MICAL1: variants seen among roughly 807,000 people sequenced by gnomAD.
MICAL1 encodes microtubule associated monooxygenase, calponin and LIM domain containing 1.
A neutral mutation model predicts 131.8 loss-of-function variants in MICAL1; 95 were observed. That is an observed-to-expected ratio of 0.72 (90% CI 0.61 to 0.86). The LOEUF is 0.86. Ranked by LOEUF, MICAL1 falls within the 40% of genes least tolerant of loss-of-function variation. The pLI is 0.00. For synonymous variants in MICAL1, 546 were observed against 554.2 expected (o/e 0.99, Z 0.21); for missense variants, 1,292 against 1,380.6 (o/e 0.94, Z 1.02).
chr6:109,444,342 A>G lies in MICAL1; in HGVS notation c.3056-3T>C, dbSNP rs1222959969. 7 of 1,613,374 alleles carry G rather than the reference A, an allele frequency of 4.3e-6. No individual in the cohort carries two copies. Among genetic ancestry groups the G allele is most frequent in the Non-Finnish European group, 5.9e-6 (7 of 1,180,018 alleles). ...ATCAGCAGCTGTCTTTAGGTTTTCT[A>G]AAAGGAGGAGACAAAGCTTAGAGAA... On this transcript the variant is annotated splice_region_variant and splice_polypyrimidine_tract_variant and intron_variant, in intron 24 of 24. Coordinates refer to ENST00000358807, the MANE Select transcript of MICAL1 (RefSeq NM_022765.4).
upstream of MICAL1, among the ~76,000 whole-genome samples, chr6:109,460,425 T>TAA (rs941046868): frequency 0.025 from 2,229 of 88,300 alleles, 67 homozygotes; most frequent in African/African-American, 0.08. Flanking sequence ...AGACCCTACG[T>TAA]AAAAAAAAAA....
intron 1 of MICAL1, among the ~76,000 whole-genome samples, chr6:109,461,578 TAAAAAA>T (rs1775889269): frequency 1.3e-5 from 2 of 151,900 alleles, no homozygotes; most frequent in African/African-American, 4.8e-5. Flanking sequence ...TGTCTCCACT[TAAAAAA>T]AGAAAAAAGT....
Position 109,452,507 on chromosome 6 carries a change from T to A in MICAL1, c.676+4A>T. ...TGGCTTCTTTGAGGGAAGTGATCACTCACCTTCAGGGACGAATTTACCTCC... is the reference window on the plus strand; with the variant it reads ...TGGCTTCTTTGAGGGAAGTGATCACACACCTTCAGGGACGAATTTACCTCC... On this transcript the variant is annotated splice_donor_region_variant and intron_variant, in intron 5 of 24. Coordinates refer to ENST00000358807, the MANE Select transcript of MICAL1 (RefSeq NM_022765.4). The A allele has an allele frequency of 6.2e-7, 1 of 1,613,726 alleles. No individual in the cohort carries two copies. The highest frequency in any genetic ancestry group is 2.2e-5 in the East Asian group (1 of 44,862).
chr6:109,462,891 G>A (rs1376992959), intron 1 of MICAL1: 2 of 152,192 alleles, frequency 1.3e-5, no homozygotes, highest in African/African-American at 4.8e-5. Context: ...ACATTTAGTA[G>A]AAAATGAATT....
chr6:109,448,121 C>T (rs899277699), intron 13 of MICAL1, 82 bp downstream of exon 13: 1 of 1,269,358 alleles, frequency 7.9e-7, no homozygotes, highest in Non-Finnish European at 1.0e-6. Context: ...CACACACCGC[C>T]TTCTCCCTCT....
At position 109,453,255 on chromosome 6, in the gene MICAL1, ATACT is replaced by A. The variant is rs768158233; in HGVS notation, c.571+4_571+7del. ...GGGGGAGATTCCAGGGAGCATAGAA[ATACT>A]TACCCTTCCTAGGAGGGGGCTGGAG... On this transcript the variant is annotated splice_donor_5th_base_variant and intron_variant, in intron 4 of 24. Transcript: ENST00000358807. The A allele has an allele frequency of 1.7e-5, 27 of 1,610,902 alleles. No individual in the cohort carries two copies. The highest frequency in any genetic ancestry group is 4.4e-5 in the South Asian group (4 of 91,024).
intron 11 of MICAL1, chr6:109,449,174 G>A (rs890786176): frequency 1.3e-5 from 9 of 681,876 alleles, no homozygotes; most frequent in East Asian, 2.7e-5. Context: ...TGGCTGTAAC[G>A]GTGGTTCAAA....
At chr6:109,448,521 G>A (rs895428606) in intron 12 of MICAL1, 128 bp from the exon 13 acceptor site, 1 of 1,289,036 alleles carries the variant, frequency 7.8e-7, no homozygotes, top group Non-Finnish European at 1.1e-6. Flanking sequence ...AGGTAGGTGT[G>A]TAGTCTCTGC....
At position 109,445,524 on chromosome 6, in the gene MICAL1, C is replaced by T; in HGVS notation, c.2679G>A (p.Leu893=). Residue 893 remains leucine (L), a synonymous_variant, in exon 21 of 25, where the codon CTG becomes CTA. Coordinates refer to ENST00000358807, the MANE Select transcript of MICAL1 (RefSeq NM_022765.4). ...VPLDSDVEQA[L]QTFAKTSGTM... is the part of the protein sequence containing the mutation. ...TGCCTGAGGTCTTGGCAAAGGTCTG[C>T]AGGGCCTATAGGAGGGTCAGGCCAG... 6.2e-7 allele frequency: 1 copy of T among 1,614,102 alleles called. No homozygotes were observed.
In MICAL1 at chr6:109,451,914, A is replaced by AG. The variant is rs78021152; in HGVS notation, c.833-215dup. Reference sequence around the variant, plus strand: ...ACTTAGAGCAAAGAGGGAAGCTTGGAGGGGGGTGGCATTTGGGAGACCTGC... The same window carrying AG: ...ACTTAGAGCAAAGAGGGAAGCTTGGAGGGGGGGTGGCATTTGGGAGACCTGC... On this transcript the variant is annotated intron_variant, in intron 6 of 24. Coordinates refer to ENST00000358807, the MANE Select transcript of MICAL1 (RefSeq NM_022765.4). 2,037 of 1,389,340 alleles carry AG rather than the reference A, an allele frequency of 1.5e-3. 63 individuals are homozygous for AG. The East Asian group carries it at 0.047, about 32-fold the overall frequency. The allele number at this position is 1,389,340 out of a possible 1,614,324, so 86.1% of individuals were successfully genotyped here.
At chr6:109,457,360 C>A (rs560678982), upstream of MICAL1, among the ~76,000 whole-genome samples, 1 of 151,872 alleles carries the variant, frequency 6.6e-6, no homozygotes, top group Non-Finnish European at 1.5e-5. Context: ...TAAAAACGTT[C>A]TAAAGTCCAC....
intron 8 of MICAL1, 47 bp downstream of exon 8, chr6:109,450,253 G>A: frequency 6.3e-7 from 1 of 1,585,174 alleles, no homozygotes; most frequent in Non-Finnish European, 8.6e-7. Flanking sequence ...ATACTAGGCA[G>A]CTCCCTCCCC....
At position 109,447,684 on chromosome 6, in the gene MICAL1, C is replaced by T. The variant is rs766380363; in HGVS notation, c.1983G>A (p.Leu661=). 6.2e-7 allele frequency: 1 copy of T among 1,614,050 alleles called. No homozygotes were observed. Among genetic ancestry groups the T allele is most frequent in the Non-Finnish European group, 8.5e-7 (1 of 1,179,980 alleles). ...ACCCGCCCCTGCCTGCATTCACCTCCAAGCGCAGCTTCTTGCCACCAGCAT... is the reference window on the plus strand; with the variant it reads ...ACCCGCCCCTGCCTGCATTCACCTCTAAGCGCAGCTTCTTGCCACCAGCAT... ...AEDAGGKKLR[L]EMEAETPSTE... Residue 661 remains leucine (L), a synonymous_variant, in exon 15 of 25, where the codon TTG becomes TTA. Transcript: ENST00000358807.
Position 109,448,820 on chromosome 6 carries a change from G to C in MICAL1, c.1576C>G (p.Pro526Ala). The stretch of plus-strand genomic sequence containing the variant: ...GACAAATCGGAGACGTGGACTCCCG[G>C]GTACCCAGCTGTCTGCTCCTGGCAC... ...RWCQEQTAGY[P>A]GVHVSDLSSS... Residue 526 changes from proline to alanine, a missense_variant, in exon 12 of 25, where the codon CCG becomes GCG. Coordinates refer to ENST00000358807, the MANE Select transcript of MICAL1 (RefSeq NM_022765.4). 1 of 1,614,038 alleles carries C rather than the reference G, an allele frequency of 6.2e-7. No homozygotes were observed. Among genetic ancestry groups the C allele is most frequent in the Non-Finnish European group, 8.5e-7 (1 of 1,179,994 alleles).
intron 7 of MICAL1, among the ~76,000 whole-genome samples, chr6:109,451,220 C>G (rs1283390831): frequency 6.7e-6 from 1 of 148,682 alleles, no homozygotes; most frequent in Non-Finnish European, 1.5e-5. Context: ...GTGGCACAAT[C>G]TTGGCTCACT....
Position 109,451,560 on chromosome 6 carries a change from G to T in MICAL1, c.933+40C>A, listed in dbSNP as rs188877906. On this transcript the variant is annotated intron_variant, in intron 7 of 24. Coordinates refer to ENST00000358807, the MANE Select transcript of MICAL1 (RefSeq NM_022765.4). Reference sequence around the variant, plus strand: ...CCAAGCCTAGCCTCTGCCTCCCGGGGCTCACCACCCAGCCTCTCCTGGCCA... The same window carrying T: ...CCAAGCCTAGCCTCTGCCTCCCGGGTCTCACCACCCAGCCTCTCCTGGCCA... 141 of 1,610,626 alleles carry T rather than the reference G, an allele frequency of 8.8e-5. 2 individuals carry two copies. In the African/African-American group the frequency reaches 1.7e-3, roughly 20 times the overall value.
chr6:109,451,706 G>A lies in MICAL1; in HGVS notation c.833-6C>T. 1.2e-6 allele frequency: 2 copies of A among 1,613,786 alleles called. No homozygotes were observed. Among genetic ancestry groups the A allele is most frequent in the Non-Finnish European group, 1.7e-6 (2 of 1,179,832 alleles). ...AATGTTCTCCAGATCAATGCCTGGG[G>A]GTACAGGGCAGGGGACAGTAGATAT... is the stretch of plus-strand genomic sequence containing the variant. On this transcript the variant is annotated splice_polypyrimidine_tract_variant and splice_region_variant and intron_variant, in intron 6 of 24. Transcript: ENST00000358807.
In MICAL1 at chr6:109,448,294, TG is replaced by T. The variant is rs762783829; in HGVS notation, c.1763del (p.Ala588AspfsTer5). On this transcript the variant is annotated frameshift_variant, in exon 13 of 25. Coordinates refer to ENST00000358807, the MANE Select transcript of MICAL1 (RefSeq NM_022765.4). LOFTEE classifies it high-confidence loss of function. The stretch of plus-strand genomic sequence containing the variant: ...GGTCACTCCCTGCTACCACGGCCTG[TG>T]CAGACACCACCGGTGTGATGCCCAG... ...NELGITPVVS[A>X]QAVVAGSDPL... The T allele has an allele frequency of 6.2e-7, 1 of 1,614,038 alleles. No homozygotes were observed. The highest frequency in any genetic ancestry group is 1.1e-5 in the South Asian group (1 of 91,092).
In MICAL1 at chr6:109,447,382, A is replaced by C; in HGVS notation, c.2045T>G (p.Leu682Arg). 6.2e-7 allele frequency: 1 copy of C among 1,612,868 alleles called. No individual in the cohort carries two copies. The highest frequency in any genetic ancestry group is 2.2e-5 in the East Asian group (1 of 44,800). ...VPPDPEPGVP[L>R]TPPSQHQEAG... ...CTCCTGGTGTTGGGATGGGGGTGTC[A>C]GGGGTACACCAGGCTCTGGGTCAGG... The change falls in exon 16 of 25, where the codon CTG (leucine) becomes CGG (arginine). Residue 682 changes from leucine to arginine, a missense_variant. Leu to Arg is a moderately radical substitution (Grantham distance 102, BLOSUM62 -2). Coordinates refer to ENST00000358807, the MANE Select transcript of MICAL1 (RefSeq NM_022765.4).
Sources: allele counts gnomAD v4.1 joint callset (sites outside exome capture counted in the v4.1 genomes callset), GRCh38; gene constraint gnomAD v4.1.1; transcripts MANE v1.5; gene names NCBI Gene and HGNC (gene_info 2026-07-23, HGNC 2026-07-21).